Variants in SP8 observed in about 807,000 individuals in gnomAD.
The protein encoded by SP8 is Sp8 transcription factor, also known as transcription factor Sp8.
Under a neutral mutation model 15.3 loss-of-function variants are expected in SP8, and 7 were observed. The ratio of observed to expected loss-of-function variants is 0.46; its 90% CI spans 0.26 to 0.86. The LOEUF is 0.86. Ranked by LOEUF, SP8 falls within the 40% of genes least tolerant of loss-of-function variation. SP8 has a pLI of 0.16. For synonymous variants in SP8, 415 were observed against 356.3 expected (o/e 1.16, Z -1.86); for missense variants, 731 against 736.4 (o/e 0.99, Z 0.09).
Position 20,786,690 on chromosome 7 carries a change from C to T in SP8, c.21+88G>A. ...GCTCTCAATAGAGAGACTGATAGCCCGTGGCCTGGCCGGGGCGACTTTAAC... is the reference window on the plus strand; with the variant it reads ...GCTCTCAATAGAGAGACTGATAGCCTGTGGCCTGGCCGGGGCGACTTTAAC... On this transcript the variant is annotated intron_variant, in intron 1 of 1. Transcript: ENST00000418710. This position sits in a 1 kb window ranked among gnomAD's most constrained non-coding sequence, Gnocchi z 4.4. 2 of 1,091,372 alleles carry T rather than the reference C, an allele frequency of 1.8e-6. No homozygotes were observed. The highest frequency in any genetic ancestry group is 2.4e-5 in the East Asian group (1 of 42,500). 67.6% of individuals were successfully genotyped at this position (1,091,372 alleles called of 1,614,324 possible). A position where few individuals can be genotyped will look rare whatever the true frequency, so the allele number is the denominator to read the frequency against.
Position 20,785,447 on chromosome 7 carries a change from C to T in SP8, c.370G>A (p.Ala124Thr), listed in dbSNP as rs1271165295. The T allele has an allele frequency of 1.7e-6, 2 of 1,159,644 alleles. No homozygotes were observed. Among genetic ancestry groups the T allele is most frequent in the Non-Finnish European group, 2.2e-6 (2 of 928,940 alleles). The allele number at this position is 1,159,644 out of a possible 1,614,324, so 71.8% of individuals were successfully genotyped here. ...SAFSLTSSSA[A>T]AAAAAAAAAA... ...GCTGCGGCGGCGGCGGCGGCGGCTG[C>T]GGCGCTGCTGGAGGTGAGGGAGAAG... Residue 124 changes from alanine to threonine, a missense_variant, in exon 2 of 2, where the codon GCA becomes ACA. Around this residue, in one of 3 missense-constraint regions of SP8, gnomAD observed 586 missense variants for 524.9 expected, o/e 1.12. Coordinates refer to ENST00000418710, the MANE Select transcript of SP8 (RefSeq NM_182700.6). This position sits in a 1 kb window ranked among gnomAD's most constrained non-coding sequence, Gnocchi z 7.2.
In SP8 at chr7:20,783,613, G is replaced by C. The variant is rs923512242; in HGVS notation, c.*677C>G. 0.074 allele frequency: 12 copies of C among 162 alleles called. No individual in the cohort carries two copies. The highest frequency in any genetic ancestry group is 0.5 in the East Asian group (4 of 8). 0.0% of individuals were successfully genotyped at this position (162 alleles called of 1,614,324 possible). A position where few individuals can be genotyped will look rare whatever the true frequency, so the allele number is the denominator to read the frequency against. ...CCACCTCAGGGAACAAAGAAAAAGA[G>C]GCAGACTGACATTGGGAGATCTAAA... On this transcript the variant is annotated 3_prime_UTR_variant, in exon 2 of 2. Transcript: ENST00000418710.
rs1274296998 is a variant in SP8 at position 20,785,423 on chromosome 7, C to T, written c.394G>A (p.Ala132Thr). The T allele has an allele frequency of 1.5e-6, 2 of 1,322,922 alleles. No individual in the cohort carries two copies. The highest frequency in any genetic ancestry group is 1.5e-5 in the African/African-American group (1 of 65,478). The allele number at this position is 1,322,922 out of a possible 1,614,324, so 81.9% of individuals were successfully genotyped here. A position where few individuals can be genotyped will look rare whatever the true frequency, so the allele number is the denominator to read the frequency against. The change falls in exon 2 of 2, where the codon GCC (alanine) becomes ACC (threonine). Residue 132 changes from alanine (A) to threonine (T), a missense_variant. This residue lies in a region of SP8 where 586 missense variants were observed against 524.9 expected (regional missense o/e 1.12). Coordinates refer to ENST00000418710, the MANE Select transcript of SP8 (RefSeq NM_182700.6). This position sits in a 1 kb window ranked among gnomAD's most constrained non-coding sequence, Gnocchi z 7.2. The part of the protein sequence containing the change: ...SAAAAAAAAA[A>T]AASSSPFAND... ...GCGAAGGGCGAGCTGGAGGCGGCGG[C>T]TGCGGCGGCGGCGGCGGCGGCTGCG...
At position 20,785,056 on chromosome 7, in the gene SP8, G is replaced by A. The variant is rs1336352015; in HGVS notation, c.761C>T (p.Ala254Val). The A allele has an allele frequency of 1.3e-6, 2 of 1,578,226 alleles. No homozygotes were observed. Among genetic ancestry groups the A allele is most frequent in the Non-Finnish European group, 8.6e-7 (1 of 1,167,282 alleles). Residue 254 changes from alanine to valine, a missense_variant, in exon 2 of 2, where the codon GCC becomes GTC. Around this residue, in one of 3 missense-constraint regions of SP8, gnomAD observed 586 missense variants for 524.9 expected, o/e 1.12. Coordinates refer to ENST00000418710, the MANE Select transcript of SP8 (RefSeq NM_182700.6). The surrounding 1 kb of genome is among the most constrained non-coding windows in gnomAD (Gnocchi z 7.2). ...CAGCGAGGTTTGGAGCCCCCCGGCG[G>A]CAGGGTGCAGCGAGCCGGGCAGCGC... Reference protein sequence around the residue: ...AAALPGSLHPAAGGLQTSLHS... With the variant: ...AAALPGSLHPVAGGLQTSLHS...
At position 20,783,639 on chromosome 7, in the gene SP8, C is replaced by T. The variant is rs143163563; in HGVS notation, c.*651G>A. The stretch of plus-strand genomic sequence containing the variant: ...GCAGACTGACATTGGGAGATCTAAA[C>T]TCTACAAACTCTGGGTCTCGGGCTG... On this transcript the variant is annotated 3_prime_UTR_variant, in exon 2 of 2. Transcript: ENST00000418710. The T allele has an allele frequency of 0.018, 2,302 of 131,536 alleles. 19 individuals are homozygous for T. The highest frequency in any genetic ancestry group is 0.023 in the Non-Finnish European group (1,462 of 62,352). 8.1% of individuals were successfully genotyped at this position (131,536 alleles called of 1,614,324 possible).
In SP8 at chr7:20,786,098, A is replaced by C; in HGVS notation, c.22-303T>G. 3 of 1,094,588 alleles carry C rather than the reference A, an allele frequency of 2.7e-6. No individual in the cohort carries two copies. Among genetic ancestry groups the C allele is most frequent in the Non-Finnish European group, 3.5e-6 (3 of 860,154 alleles). 67.8% of individuals were successfully genotyped at this position (1,094,588 alleles called of 1,614,324 possible). A position where few individuals can be genotyped will look rare whatever the true frequency, so the allele number is the denominator to read the frequency against. Reference sequence around the variant, plus strand: ...CTAAAACAACACTCTCTTGCACACAAAGCCCCAGACACTTCGTAACAAACA... The same window carrying C: ...CTAAAACAACACTCTCTTGCACACACAGCCCCAGACACTTCGTAACAAACA... On this transcript the variant is annotated intron_variant, in intron 1 of 1. Coordinates refer to ENST00000418710, the MANE Select transcript of SP8 (RefSeq NM_182700.6). The surrounding 1 kb of genome is among the most constrained non-coding windows in gnomAD (Gnocchi z 4.4).
At position 20,785,555 on chromosome 7, in the gene SP8, C is replaced by CAGCCGCCGA. The variant is rs1783650534; in HGVS notation, c.253_261dup (p.Ser85_Ala87dup). 1 of 1,550,380 alleles carries CAGCCGCCGA rather than the reference C, an allele frequency of 6.5e-7. No individual in the cohort carries two copies. The highest frequency in any genetic ancestry group is 1.2e-5 in the South Asian group (1 of 85,998). ...GCCGCGGCTGCTGCCGCGGCCGCCG[C>CAGCCGCCGA]AGCCGCCGAGGACGAGCCGCCGTTC... On this transcript the variant is annotated inframe_insertion, in exon 2 of 2. Coordinates refer to ENST00000418710, the MANE Select transcript of SP8 (RefSeq NM_182700.6). The surrounding 1 kb of genome is among the most constrained non-coding windows in gnomAD (Gnocchi z 7.2).
chr7:20,786,652 A>G lies in SP8; in HGVS notation c.21+126T>C. 1.4e-5 allele frequency: 3 copies of G among 208,888 alleles called. No individual in the cohort carries two copies. Among genetic ancestry groups the G allele is most frequent in the Non-Finnish European group, 2.8e-5 (3 of 107,280 alleles). 12.9% of individuals were successfully genotyped at this position (208,888 alleles called of 1,614,324 possible). On this transcript the variant is annotated intron_variant, in intron 1 of 1. Coordinates refer to ENST00000418710, the MANE Select transcript of SP8 (RefSeq NM_182700.6). The surrounding 1 kb of genome is among the most constrained non-coding windows in gnomAD (Gnocchi z 4.4). The stretch of plus-strand genomic sequence containing the variant: ...TCTCCAAACTCACTTGTATTTAAAG[A>G]AAAAAAAAAAAAGCTCTCAATAGAG...
At position 20,785,779 on chromosome 7, in the gene SP8, C is replaced by T. The variant is rs767800341; in HGVS notation, c.38G>A (p.Gly13Glu). 6.2e-7 allele frequency: 1 copy of T among 1,612,708 alleles called. No individual in the cohort carries two copies. The highest frequency in any genetic ancestry group is 2.2e-5 in the East Asian group (1 of 44,822). The change falls in exon 2 of 2, where the codon GGA (glycine) becomes GAA (glutamate). Residue 13 changes from glycine (G) to glutamate (E), a missense_variant. Physicochemically the swap from Gly to Glu is moderately conservative, Grantham distance 98 (BLOSUM62 -2). Transcript: ENST00000418710. The surrounding 1 kb of genome is among the most constrained non-coding windows in gnomAD (Gnocchi z 7.2). ...GGCAAGCATGGCCAGAGGAGTCGAT[C>T]CCAACCTCGGTTCTTCCTGCGAGGA... ...TSLLGEEPRL[G>E]STPLAMLAAT... is the part of the protein sequence containing the mutation.
rs751456029 is a variant in SP8, at chr7:20,784,638, C to A, written c.1179G>T (p.Ala393=). The change falls in exon 2 of 2, where the codon GCG becomes GCT. Residue 393 remains alanine (A), a synonymous_variant. Transcript: ENST00000418710. ...GCTCGCCCGTGTGCCAGCGCAGGTG[C>A]GCCTTGAGGTGCGAAGTCTTGCCGT... ...KVYGKTSHLK[A]HLRWHTGERP... The A allele has an allele frequency of 5.6e-6, 9 of 1,610,228 alleles. No individual in the cohort carries two copies. Among genetic ancestry groups the A allele is most frequent in the South Asian group, 1.1e-5 (1 of 90,726 alleles).
At position 20,786,744 on chromosome 7, in the gene SP8, A is replaced by G; in HGVS notation, c.21+34T>C. 6.2e-7 allele frequency: 1 copy of G among 1,609,270 alleles called. No individual in the cohort carries two copies. The highest frequency in any genetic ancestry group is 1.1e-5 in the South Asian group (1 of 90,986). ...CTCCAATCGGCAATAAAAGGAAACT[A>G]ATTAAACCAGCAAGAGAAAATCCTG... is the stretch of plus-strand genomic sequence containing the variant. On this transcript the variant is annotated intron_variant, in intron 1 of 1. Coordinates refer to ENST00000418710, the MANE Select transcript of SP8 (RefSeq NM_182700.6). This position sits in a 1 kb window ranked among gnomAD's most constrained non-coding sequence, Gnocchi z 4.4.
chr7:20,783,260 G>C lies in SP8; in HGVS notation c.*1030C>G, dbSNP rs867341145. 6.6e-6 allele frequency: 1 copy of C among 152,572 alleles called. No individual in the cohort carries two copies. Among genetic ancestry groups the C allele is most frequent in the African/African-American group, 2.4e-5 (1 of 41,422 alleles). The allele number at this position is 152,572 out of a possible 1,614,324, so 9.5% of individuals were successfully genotyped here. A position where few individuals can be genotyped will look rare whatever the true frequency, so the allele number is the denominator to read the frequency against. On this transcript the variant is annotated 3_prime_UTR_variant, in exon 2 of 2. Coordinates refer to ENST00000418710, the MANE Select transcript of SP8 (RefSeq NM_182700.6). ...TTATGTTTGGGAGTGGTGAAAAAAC[G>C]AGGTAGAAAAGGACAAACATGGAGA...
At position 20,783,189 on chromosome 7, in the gene SP8, T is replaced by C. The variant is rs886807545; in HGVS notation, c.*1101A>G. 2.1e-5 allele frequency: 1 copy of C among 47,498 alleles called. No individual in the cohort carries two copies. Among genetic ancestry groups the C allele is most frequent in the Non-Finnish European group, 3.9e-5 (1 of 25,464 alleles). 2.9% of individuals were successfully genotyped at this position (47,498 alleles called of 1,614,324 possible). On this transcript the variant is annotated 3_prime_UTR_variant, in exon 2 of 2. Coordinates refer to ENST00000418710, the MANE Select transcript of SP8 (RefSeq NM_182700.6). ...CATGAATTGAGAGAATTTACGAAAT[T>C]GGTACTATACAATTGACGGCCGGAC...
At position 20,784,269 on chromosome 7, in the gene SP8, G is replaced by C; in HGVS notation, c.*21C>G. On this transcript the variant is annotated 3_prime_UTR_variant, in exon 2 of 2. Transcript: ENST00000418710. ...ACTTGGTGGGAGGAGGTCGGGGAGA[G>C]GGGCGGGCGCAGGGTGGGCGTCACT... 2.1e-6 allele frequency: 3 copies of C among 1,446,368 alleles called. No individual in the cohort carries two copies. The highest frequency in any genetic ancestry group is 2.7e-6 in the Non-Finnish European group (3 of 1,104,854). 89.6% of individuals were successfully genotyped at this position (1,446,368 alleles called of 1,614,324 possible).
rs1393124194 is a variant in SP8, at chr7:20,784,542, C to T, written c.1275G>A (p.Leu425=). 3.1e-6 allele frequency: 5 copies of T among 1,589,270 alleles called. No homozygotes were observed. The highest frequency in any genetic ancestry group is 4.3e-6 in the Non-Finnish European group (5 of 1,169,120). The change falls in exon 2 of 2, where the codon CTG becomes CTA. Residue 425 remains leucine (L), a synonymous_variant. Coordinates refer to ENST00000418710, the MANE Select transcript of SP8 (RefSeq NM_182700.6). ...AGCGCTTCTCGCCGGTGTGGGTCCG[C>T]AGGTGCCGCTGCAGCTCGTCGGAGC... is the stretch of plus-strand genomic sequence containing the variant. ...FTRSDELQRH[L]RTHTGEKRFA...
Position 20,785,252 on chromosome 7 carries a change from C to T in SP8, c.565G>A (p.Gly189Arg), listed in dbSNP as rs748563164. The T allele has an allele frequency of 3.1e-6, 5 of 1,596,144 alleles. No individual in the cohort carries two copies. The highest frequency in any genetic ancestry group is 1.4e-5 in the African/African-American group (1 of 72,886). ...FISKVHTSVDGLQGIYPRVGM... is the reference protein window; with the variant it reads ...FISKVHTSVDRLQGIYPRVGM... ...ACCCGCGGGTAGATGCCCTGCAGCC[C>T]GTCCACAGAGGTGTGCACCTTGGAG... The change falls in exon 2 of 2, where the codon GGG becomes AGG. Residue 189 changes from glycine (G) to arginine (R), a missense_variant. Physicochemically the swap from Gly to Arg is moderately radical, Grantham distance 125 (BLOSUM62 -2). Around this residue, in one of 3 missense-constraint regions of SP8, gnomAD observed 586 missense variants for 524.9 expected, o/e 1.12. Transcript: ENST00000418710. The surrounding 1 kb of genome is among the most constrained non-coding windows in gnomAD (Gnocchi z 7.2).
rs1783525699 is a variant in SP8 at position 20,782,472 on chromosome 7, A to G, written c.*1818T>C. 6.5e-6 allele frequency: 1 copy of G among 152,672 alleles called. No homozygotes were observed. The highest frequency in any genetic ancestry group is 2.4e-5 in the African/African-American group (1 of 41,462). 9.5% of individuals were successfully genotyped at this position (152,672 alleles called of 1,614,324 possible). On this transcript the variant is annotated 3_prime_UTR_variant, in exon 2 of 2. Transcript: ENST00000418710. ...TGCAAACATTTAAATGTAGTGTCAG[A>G]AGTATTTATTAACAGTTAACAATAT...
chr7:20,784,567 C>A lies in SP8; in HGVS notation c.1250G>T (p.Arg417Leu). ...CAGGTGCCGCTGCAGCTCGTCGGAG[C>A]GCGTGAAGCGCTTGCCGCAGAAAAG... is the stretch of plus-strand genomic sequence containing the variant. ...NWLFCGKRFT[R>L]SDELQRHLRT... The change falls in exon 2 of 2, where the codon CGC becomes CTC. Residue 417 changes from arginine (R) to leucine (L), a missense_variant. This residue lies in a region of SP8 where 31 missense variants were observed against 99.6 expected (regional missense o/e 0.31). Transcript: ENST00000418710. 6.2e-7 allele frequency: 1 copy of A among 1,600,184 alleles called. No individual in the cohort carries two copies. The highest frequency in any genetic ancestry group is 8.5e-7 in the Non-Finnish European group (1 of 1,174,922).
chr7:20,784,409 T>A lies in SP8; in HGVS notation c.1408A>T (p.Ser470Cys). 3.9e-6 allele frequency: 6 copies of A among 1,527,604 alleles called. No individual in the cohort carries two copies. Among genetic ancestry groups the A allele is most frequent in the Non-Finnish European group, 5.3e-6 (6 of 1,142,722 alleles). The allele number at this position is 1,527,604 out of a possible 1,614,324, so 94.6% of individuals were successfully genotyped here. Reference sequence around the variant, plus strand: ...GTGTCGCTGCCCTTCTTGCCGCCGCTGCCCGAGCCCGCCGAGCCGCCGCCG... The same window carrying A: ...GTGTCGCTGCCCTTCTTGCCGCCGCAGCCCGAGCCCGCCGAGCCGCCGCCG... ...GGGGGSAGSG[S>C]GGKKGSDTDS... The change falls in exon 2 of 2, where the codon AGC (serine) becomes TGC (cysteine). Residue 470 changes from serine (S) to cysteine (C), a missense_variant. Ser to Cys is a moderately radical substitution (Grantham distance 112, BLOSUM62 -1). Around this residue, in one of 3 missense-constraint regions of SP8, gnomAD observed 114 missense variants for 111.9 expected, o/e 1.02. Coordinates refer to ENST00000418710, the MANE Select transcript of SP8 (RefSeq NM_182700.6).
Sources: gnomAD v4.1 joint callset for allele counts on GRCh38, gnomAD v4.1.1 for gene constraint, gnomAD v4.1.1 regional missense constraint, Gnocchi (gnomAD v3.1) non-coding constraint, MANE v1.5 for transcripts, NCBI Gene and HGNC (gene_info 2026-07-23, HGNC 2026-07-21) for gene names.